The following MEGF11 variants were observed in gnomAD, a reference collection of about 807,000 sequenced individuals.
MEGF11 encodes multiple EGF like domains 11, also known as multiple epidermal growth factor-like domains protein 11.
In MEGF11, 126 loss-of-function variants were observed where a neutral mutation model predicts 146.6. The ratio of observed to expected loss-of-function variants is 0.86; its 90% CI spans 0.74 to 1.00. The LOEUF (loss-of-function observed/expected upper bound fraction) is 1.00. Ranked by LOEUF, MEGF11 falls within the 50% of genes least tolerant of loss-of-function variation. The pLI, the probability that MEGF11 is intolerant of heterozygous loss-of-function variation, is 0.00. For synonymous variants in MEGF11, 532 were observed against 583.4 expected, an observed-to-expected ratio of 0.91 and a Z score of 1.27; for missense variants, 1,509 against 1,521.2, an observed-to-expected ratio of 0.99 and a Z score of 0.13.
intron 5 of MEGF11, among the ~76,000 whole-genome samples, chr15:66,011,184 G>C (rs1169466134): frequency 6.6e-6 from 1 of 152,184 alleles, no homozygotes; most frequent in Admixed American, 6.5e-5. Flanking sequence ...AGGGATTGTT[G>C]TGCCCACTTG....
intron 5 of MEGF11, among the ~76,000 whole-genome samples, chr15:66,059,225 C>G (rs1011246456): frequency 4.6e-5 from 7 of 152,150 alleles, no homozygotes; most frequent in African/African-American, 1.7e-4. Context: ...CAGAGCTGTT[C>G]CCTCCCCCGC....
intron 5 of MEGF11, among the ~76,000 whole-genome samples, chr15:66,056,471 A>G (rs934252108): frequency 3.3e-5 from 5 of 152,284 alleles, no homozygotes; most frequent in Middle Eastern, 3.4e-3. Context: ...CCCTACCCAC[A>G]TGAGCCCGAC....
chr15:65,982,170 C>A lies in MEGF11; in HGVS notation c.641+72G>T. ...CCCCAGCCCCTCCACCTCCTCTACC[C>A]TCCCCACCCAGGCACCCTCCAGGTC... is the stretch of plus-strand genomic sequence containing the variant. On this transcript the variant is annotated intron_variant, in intron 6 of 25. Coordinates refer to ENST00000395614, the MANE Select transcript of MEGF11 (RefSeq NM_001385028.1). The surrounding 1 kb of genome is among the most constrained non-coding windows in gnomAD (Gnocchi z 5.6). The A allele has an allele frequency of 6.9e-7, 1 of 1,455,498 alleles. No individual in the cohort carries two copies. Among genetic ancestry groups the A allele is most frequent in the Non-Finnish European group, 9.1e-7 (1 of 1,094,514 alleles). 90.2% of individuals were successfully genotyped at this position (1,455,498 alleles called of 1,614,324 possible).
chr15:66,021,055 G>A (rs1031605194), intron 5 of MEGF11, among the ~76,000 whole-genome samples: 2 of 142,116 alleles, frequency 1.4e-5, no homozygotes, highest in African/African-American at 5.3e-5. Context: ...AATTCCAGTG[G>A]CATCAGAAGT....
At chr15:66,227,822 A>T (rs1048238301) in intron 1 of MEGF11, among the ~76,000 whole-genome samples, 1 of 152,200 alleles carries the variant, frequency 6.6e-6, no homozygotes, top group Non-Finnish European at 1.5e-5. Context: ...ACCCCAGCCC[A>T]CTTAGACAGT....
chr15:65,963,210 C>T (rs188438881), intron 9 of MEGF11, among the ~76,000 whole-genome samples: 4 of 152,312 alleles, frequency 2.6e-5, no homozygotes, highest in Admixed American at 1.3e-4. Context: ...TATTTAGACA[C>T]ATGCAACAGT....
At position 66,094,422 on chromosome 15, in the gene MEGF11, C is replaced by T; in HGVS notation, c.374G>A (p.Gly125Glu). The T allele has an allele frequency of 1.3e-6, 2 of 1,561,104 alleles. No homozygotes were observed. Among genetic ancestry groups the T allele is most frequent in the Non-Finnish European group, 1.7e-6 (2 of 1,151,792 alleles). The change falls in exon 5 of 26, where the codon GGA (glycine) becomes GAA (glutamate). Residue 125 changes from glycine to glutamate, a missense_variant. By Grantham distance (98) the Gly-to-Glu change is moderately conservative. Transcript: ENST00000395614. ...PDTCHCEPGW[G>E]GPDCSSGCDS... ...CTCACCGCTGGAGCAGTCGGGCCCT[C>T]CCCAGCCAGGCTCGCAGTGGCAGGT...
intron 1 of MEGF11, among the ~76,000 whole-genome samples, chr15:66,149,624 C>A (rs1043987890): frequency 6.6e-6 from 1 of 152,176 alleles, no homozygotes; most frequent in African/African-American, 2.4e-5. Flanking sequence ...CAGAATACAA[C>A]CCACTGGGGT....
intron 5 of MEGF11, among the ~76,000 whole-genome samples, chr15:66,085,845 G>C (rs1338611014): frequency 6.6e-6 from 1 of 152,106 alleles, no homozygotes; most frequent in Admixed American, 6.5e-5. Context: ...ACATGAAAAA[G>C]AATTCAGGAG....
rs771933400 is a variant in MEGF11, at chr15:66,094,436, G to A, written c.360C>T (p.Cys120=). The A allele has an allele frequency of 6.2e-5, 97 of 1,562,470 alleles. 1 individual carries two copies. The highest frequency in any genetic ancestry group is 2.4e-4 in the East Asian group (10 of 42,014). ...GRCVSPDTCH[C]EPGWGGPDCS... is the part of the protein sequence containing the mutation. ...AGTCGGGCCCTCCCCAGCCAGGCTC[G>A]CAGTGGCAGGTGTCCGGGGAAACGC... is the stretch of plus-strand genomic sequence containing the variant. The change falls in exon 5 of 26, where the codon TGC becomes TGT. Residue 120 remains cysteine, a synonymous_variant. Transcript: ENST00000395614.
intron 1 of MEGF11, among the ~76,000 whole-genome samples, chr15:66,218,431 C>T (rs1212947156): frequency 6.6e-6 from 1 of 152,126 alleles, no homozygotes; most frequent in Non-Finnish European, 1.5e-5. Flanking sequence ...GGAAGAGACC[C>T]CTGCAATCTG....
At chr15:66,237,231 T>C (rs567871823) in intron 1 of MEGF11, among the ~76,000 whole-genome samples, 2 of 152,294 alleles carry the variant, frequency 1.3e-5, no homozygotes, top group South Asian at 2.1e-4. Context: ...AGATGGACTC[T>C]GGAGTGTGGT....
chr15:66,146,135 G>A (rs116658807), intron 1 of MEGF11, among the ~76,000 whole-genome samples: 1,588 of 152,258 alleles, frequency 0.01, 27 homozygotes, highest in African/African-American at 0.036. Flanking sequence ...TTCACTGCCC[G>A]TTCTACAAAG....
At chr15:66,211,332 G>A (rs2091441648) in intron 1 of MEGF11, among the ~76,000 whole-genome samples, 1 of 152,088 alleles carries the variant, frequency 6.6e-6, no homozygotes, top group Admixed American at 6.5e-5. Flanking sequence ...GACCATCTTG[G>A]CTAACACGGT....
chr15:66,208,495 T>A (rs2091357824), intron 1 of MEGF11, among the ~76,000 whole-genome samples: 1 of 152,090 alleles, frequency 6.6e-6, no homozygotes, highest in Non-Finnish European at 1.5e-5. Flanking sequence ...TTACATCAAA[T>A]GTAAATGTTC....
intron 10 of MEGF11, among the ~76,000 whole-genome samples, chr15:65,951,831 T>C (rs1009316966): frequency 3.3e-5 from 5 of 151,982 alleles, no homozygotes; most frequent in African/African-American, 1.2e-4. Context: ...AGACTCCATC[T>C]CTACAAATTT....
At chr15:65,898,536 G>A in intron 25 of MEGF11, 192 bp downstream of exon 25, 2 of 985,260 alleles carry the variant, frequency 2.0e-6, no homozygotes, top group Non-Finnish European at 2.4e-6. Context: ...AAGCAGAGTT[G>A]GTACAATAAT....
chr15:66,047,813 G>A (rs1055470418), intron 5 of MEGF11, among the ~76,000 whole-genome samples: 3 of 152,210 alleles, frequency 2.0e-5, no homozygotes, highest in East Asian at 3.9e-4. Context: ...CCCCAGGACT[G>A]GGGCTGAGAG....
At position 66,006,850 on chromosome 15, in the gene MEGF11, C is replaced by T. The variant is rs1364547; in HGVS notation, c.395-24362G>A. Among the ~76,000 whole-genome samples the T allele has an allele frequency of 2.9e-3, 444 of 152,350 alleles. 2 individuals are homozygous for T. The highest frequency in any genetic ancestry group is 0.01 in the African/African-American group (424 of 41,566). On this transcript the variant is annotated intron_variant, in intron 5 of 25. Transcript: ENST00000395614. ...CCAGTCTCCAAGAAAGGGAAGCGTG[C>T]ACATGTGGACACATAATGGGAGGGA... is the stretch of plus-strand genomic sequence containing the variant.
Sources: gnomAD v4.1 joint callset for allele counts (sites outside exome capture counted in the v4.1 genomes callset) on GRCh38, gnomAD v4.1.1 for gene constraint, Gnocchi (gnomAD v3.1) non-coding constraint, MANE v1.5 for transcripts, NCBI Gene and HGNC (gene_info 2026-07-23, HGNC 2026-07-21) for gene names.